Variants in KDM4C observed in about 807,000 individuals in gnomAD.
The protein encoded by KDM4C is lysine-specific demethylase 4C.
KDM4C carries 81 observed loss-of-function variants against 129.3 expected under a neutral mutation model. The ratio of observed to expected loss-of-function variants is 0.63; its 90% CI spans 0.52 to 0.75. KDM4C has a LOEUF of 0.75. KDM4C is among the 30% of genes least tolerant of loss of function. The pLI is 0.00. For missense variants in KDM4C, 1,457 were observed against 1,304.0 expected, an observed-to-expected ratio of 1.12 and a Z score of -1.81; for synonymous variants, 573 against 456.1, an observed-to-expected ratio of 1.26 and a Z score of -3.26.
chr9:6,927,018 C>T (rs112567805), intron 8 of KDM4C, among the ~76,000 whole-genome samples: 3,242 of 152,120 alleles, frequency 0.021, 122 homozygotes, highest in African/African-American at 0.073. Context: ...TTTGGTAAAG[C>T]CAGCACAGAT....
intron 18 of KDM4C, among the ~76,000 whole-genome samples, chr9:7,111,592 AG>A (rs1348702242): frequency 6.6e-6 from 1 of 152,168 alleles, no homozygotes; most frequent in Non-Finnish European, 1.5e-5. Context: ...CTCAGAGTCC[AG>A]GGTGTTCTAA....
At chr9:7,028,086 G>A (rs1163593847) in intron 15 of KDM4C, among the ~76,000 whole-genome samples, 2 of 152,096 alleles carry the variant, frequency 1.3e-5, no homozygotes, top group Non-Finnish European at 2.9e-5. Flanking sequence ...CAATTCCTGT[G>A]GCCAAGCTGG....
chr9:6,834,869 G>A (rs1835582745), intron 4 of KDM4C: 26 of 1,325,202 alleles, frequency 2.0e-5, no homozygotes, highest in Admixed American at 1.3e-4. Context: ...CATCCAGCCC[G>A]TGCTGTCCCT....
chr9:6,789,306 C>T (rs1033751236), intron 1 of KDM4C, among the ~76,000 whole-genome samples: 9 of 150,722 alleles, frequency 6.0e-5, no homozygotes, highest in African/African-American at 1.7e-4. Flanking sequence ...CTGCAACCTC[C>T]GCCTCCTGGG....
At chr9:6,853,305 T>A (rs1458705892) in intron 5 of KDM4C, among the ~76,000 whole-genome samples, 8 of 150,352 alleles carry the variant, frequency 5.3e-5, no homozygotes, top group African/African-American at 1.7e-4. Context: ...CTGGGCAACA[T>A]GGCAAAACTG....
At chr9:7,007,416 T>G (rs1449011970) in intron 12 of KDM4C, among the ~76,000 whole-genome samples, 2 of 152,218 alleles carry the variant, frequency 1.3e-5, no homozygotes, top group African/African-American at 4.8e-5. Context: ...TTTCTTCAAT[T>G]TCTGGCAAAC....
intron 4 of KDM4C, among the ~76,000 whole-genome samples, chr9:6,829,010 C>T (rs527907554): frequency 1.3e-5 from 2 of 152,232 alleles, no homozygotes; most frequent in East Asian, 3.9e-4. Context: ...ATTGATAAAT[C>T]AACAAATATG....
intron 19 of KDM4C, among the ~76,000 whole-genome samples, chr9:7,130,675 G>A (rs1840526022): frequency 6.6e-6 from 1 of 152,232 alleles, no homozygotes. Context: ...CCCTGGAGGG[G>A]GGCAGGTACC....
chr9:6,975,614 C>G (rs1474235797), intron 8 of KDM4C, among the ~76,000 whole-genome samples: 1 of 152,262 alleles, frequency 6.6e-6, no homozygotes, highest in Non-Finnish European at 1.5e-5. Context: ...GACTCTTATT[C>G]TCTAGGCACC....
chr9:6,912,261 C>T (rs566172967), intron 8 of KDM4C, among the ~76,000 whole-genome samples: 4 of 152,294 alleles, frequency 2.6e-5, no homozygotes, highest in East Asian at 3.9e-4. Context: ...CCCAGACTAA[C>T]GAATACTTGA....
At chr9:6,842,761 G>A (rs1159143371) in intron 4 of KDM4C, among the ~76,000 whole-genome samples, 1 of 151,204 alleles carries the variant, frequency 6.6e-6, no homozygotes. Context: ...AGACAGGATA[G>A]TAGGTTGTCT....
chr9:6,871,938 G>A (rs1270603602), intron 5 of KDM4C, among the ~76,000 whole-genome samples: 2 of 152,156 alleles, frequency 1.3e-5, no homozygotes, highest in East Asian at 1.9e-4. Context: ...CAATTGAAGG[G>A]CTCTGGGAGG....
intron 4 of KDM4C, among the ~76,000 whole-genome samples, chr9:6,842,110 A>G (rs1399555595): frequency 6.6e-6 from 1 of 152,164 alleles, no homozygotes; most frequent in Non-Finnish European, 1.5e-5. Context: ...GGAGTAACTG[A>G]TAGAGCTATT....
At chr9:6,762,042 C>T (rs185052215) in intron 1 of KDM4C, among the ~76,000 whole-genome samples, 1 of 152,180 alleles carries the variant, frequency 6.6e-6, no homozygotes, top group African/African-American at 2.4e-5. Flanking sequence ...TCGTGATCCG[C>T]CTGCCTCGGC....
chr9:7,117,657 AC>A (rs1472265644), intron 18 of KDM4C, among the ~76,000 whole-genome samples: 1 of 150,870 alleles, frequency 6.6e-6, no homozygotes, highest in Non-Finnish European at 1.5e-5. Context: ...ACACACACAC[AC>A]ACACACACAC....
chr9:6,978,819 G>C (rs1833372068), intron 8 of KDM4C: 1 of 152,162 alleles, frequency 6.6e-6, no homozygotes, highest in African/African-American at 2.4e-5. Context: ...TGTTTAGCAA[G>C]TTTGTCCAGC....
chr9:7,078,390 TC>T (rs1238919364), intron 17 of KDM4C, among the ~76,000 whole-genome samples: 1 of 151,698 alleles, frequency 6.6e-6, no homozygotes, highest in Non-Finnish European at 1.5e-5. Flanking sequence ...TTCCTAGGTT[TC>T]CTTTTTTTTT....
At chr9:6,923,228 GA>G (rs1231013236) in intron 8 of KDM4C, among the ~76,000 whole-genome samples, 11 of 137,062 alleles carry the variant, frequency 8.0e-5, no homozygotes, top group Admixed American at 3.5e-4. Context: ...GAATCAGACA[GA>G]TTTTTTTTTT....
At chr9:6,799,544 G>C (rs1213024090) in intron 2 of KDM4C, among the ~76,000 whole-genome samples, 1 of 127,880 alleles carries the variant, frequency 7.8e-6, no homozygotes, top group East Asian at 1.9e-4. Flanking sequence ...TGGCATGAGA[G>C]GGAGACCGTG....
Sources: allele counts gnomAD v4.1 joint callset (sites outside exome capture counted in the v4.1 genomes callset), GRCh38; gene constraint gnomAD v4.1.1; transcripts MANE v1.5; gene names NCBI Gene and HGNC (gene_info 2026-07-23, HGNC 2026-07-21).